PPFIA2: variants seen among roughly 807,000 people sequenced by gnomAD.
The protein encoded by PPFIA2 is liprin-alpha-2.
A neutral mutation model predicts 175.5 loss-of-function variants in PPFIA2; 46 were observed. The observed-to-expected ratio is 0.26, with a 90% confidence interval of 0.21 to 0.34. The LOEUF (loss-of-function observed/expected upper bound fraction) is 0.34. Ranked by LOEUF, PPFIA2 falls within the 10% of genes least tolerant of loss-of-function variation. The probability of loss-of-function intolerance (pLI) is 1.00; values close to 1 mark genes in which losing one functional copy is unlikely to be tolerated. For missense variants in PPFIA2, 1,179 were observed against 1,506.1 expected (o/e 0.78, Z 3.60); for synonymous variants, 568 against 511.4 (o/e 1.11, Z -1.49).
At chr12:81,359,018 G>A (rs1311023632) in intron 15 of PPFIA2, among the ~76,000 whole-genome samples, 1 of 151,896 alleles carries the variant, frequency 6.6e-6, no homozygotes, top group Non-Finnish European at 1.5e-5. Flanking sequence ...GCTTCTCCAG[G>A]CATATTACTT....
At chr12:81,415,022 T>C (rs990670603) in intron 7 of PPFIA2, among the ~76,000 whole-genome samples, 4 of 149,614 alleles carry the variant, frequency 2.7e-5, no homozygotes, top group Non-Finnish European at 6.0e-5. Flanking sequence ...TCTGTGCAGT[T>C]TGATCAGCTT....
At chr12:81,396,170 G>A (rs2041099647) in intron 8 of PPFIA2, among the ~76,000 whole-genome samples, 1 of 151,894 alleles carries the variant, frequency 6.6e-6, no homozygotes, top group South Asian at 2.1e-4. Flanking sequence ...AAAACAGTGT[G>A]ATATTTATTT....
chr12:81,344,537 A>G (rs1452189681), intron 19 of PPFIA2, 127 bp downstream of exon 19: 1 of 583,604 alleles, frequency 1.7e-6, no homozygotes, highest in Non-Finnish European at 2.9e-6. Flanking sequence ...AAACAATTCA[A>G]TACACTTTAA....
At chr12:81,596,497 G>A (rs1009494089) in intron 4 of PPFIA2, among the ~76,000 whole-genome samples, 2 of 152,012 alleles carry the variant, frequency 1.3e-5, no homozygotes, top group Non-Finnish European at 1.5e-5. Flanking sequence ...CGACAAAAAG[G>A]GGGTAGTTAA....
At chr12:81,260,505 C>A (rs2035063295) in intron 32 of PPFIA2, 1 of 151,996 alleles carries the variant, frequency 6.6e-6, no homozygotes, top group African/African-American at 2.4e-5. Context: ...TTTTGGGAGA[C>A]CTCTTATTTA....
intron 4 of PPFIA2, among the ~76,000 whole-genome samples, chr12:81,465,924 T>A (rs2055534786): frequency 6.6e-6 from 1 of 152,214 alleles, no homozygotes; most frequent in Non-Finnish European, 1.5e-5. Flanking sequence ...ACTATGTATA[T>A]GCAATATTTT....
chr12:81,746,228 A>C (rs2083050191), intron 3 of PPFIA2, among the ~76,000 whole-genome samples: 1 of 144,732 alleles, frequency 6.9e-6, no homozygotes, highest in African/African-American at 2.4e-5. Flanking sequence ...TTTGTTATTG[A>C]ACACTTAAGA....
chr12:81,462,591 T>TAC (rs1225989953), intron 4 of PPFIA2, among the ~76,000 whole-genome samples: 1 of 142,514 alleles, frequency 7.0e-6, no homozygotes, highest in African/African-American at 2.5e-5. Context: ...TATACATATA[T>TAC]ATATATATAT....
intron 18 of PPFIA2, 135 bp from the exon 19 acceptor site, chr12:81,344,828 CAT>C: frequency 3.1e-6 from 2 of 653,952 alleles, no homozygotes; most frequent in Middle Eastern, 4.3e-4. Flanking sequence ...TCTAAATAAA[CAT>C]ATTTTAATTA....
chr12:81,285,814 T>A (rs2137238382), intron 24 of PPFIA2, among the ~76,000 whole-genome samples: 1 of 152,248 alleles, frequency 6.6e-6, no homozygotes, highest in African/African-American at 2.4e-5. Flanking sequence ...ACACCATGAT[T>A]TTTAAATCAT....
intron 8 of PPFIA2, 61 bp from the exon 9 acceptor site, chr12:81,384,305 ATAAACT>A: frequency 8.6e-7 from 1 of 1,168,520 alleles, no homozygotes; most frequent in Non-Finnish European, 1.2e-6. Flanking sequence ...AAAATTTAAA[ATAAACT>A]TAAAGAAATT....
At chr12:81,663,830 C>T (rs2153553348) in intron 4 of PPFIA2, among the ~76,000 whole-genome samples, 1 of 152,168 alleles carries the variant, frequency 6.6e-6, no homozygotes, top group African/African-American at 2.4e-5. Context: ...GGTACTGGTA[C>T]CAAAACAGAG....
chr12:81,352,776 C>G (rs1034846885), intron 17 of PPFIA2, among the ~76,000 whole-genome samples: 1 of 152,134 alleles, frequency 6.6e-6, no homozygotes, highest in Non-Finnish European at 1.5e-5. Context: ...CACACACTTT[C>G]CCTTTAAGTA....
At chr12:81,747,345 A>G (rs1293897048) in intron 3 of PPFIA2, among the ~76,000 whole-genome samples, 1 of 144,218 alleles carries the variant, frequency 6.9e-6, no homozygotes, top group African/African-American at 2.4e-5. Flanking sequence ...GACATGTGTG[A>G]CTGGCCATGG....
intron 24 of PPFIA2, among the ~76,000 whole-genome samples, chr12:81,285,594 A>C (rs2043129782): frequency 6.6e-6 from 1 of 152,116 alleles, no homozygotes; most frequent in Non-Finnish European, 1.5e-5. Context: ...ATATGATTAT[A>C]ATGGAGCTGA....
chr12:81,740,545 C>T (rs761046075), intron 3 of PPFIA2, among the ~76,000 whole-genome samples: 10 of 152,134 alleles, frequency 6.6e-5, no homozygotes, highest in Non-Finnish European at 1.3e-4. Flanking sequence ...ACTGAGGAAT[C>T]GTGATGGTTG....
chr12:81,604,641 G>A (rs372534469), intron 4 of PPFIA2, among the ~76,000 whole-genome samples: 5 of 151,398 alleles, frequency 3.3e-5, no homozygotes, highest in Non-Finnish European at 7.4e-5. Context: ...AAAATTTAAT[G>A]TGCTTATGTT....
chr12:81,598,875 TTA>T (rs1173436008), intron 4 of PPFIA2, among the ~76,000 whole-genome samples: 1 of 152,020 alleles, frequency 6.6e-6, no homozygotes, highest in African/African-American at 2.4e-5. Flanking sequence ...TAAAAAATCA[TTA>T]TGTTTGACAA....
intron 4 of PPFIA2, among the ~76,000 whole-genome samples, chr12:81,552,314 A>T (rs1351499480): frequency 6.6e-6 from 1 of 151,876 alleles, no homozygotes; most frequent in South Asian, 2.1e-4. Context: ...AAATTATTTC[A>T]TATTACATTG....
Sources: allele counts gnomAD v4.1 joint callset (sites outside exome capture counted in the v4.1 genomes callset), GRCh38; gene constraint gnomAD v4.1.1; transcripts MANE v1.5; gene names NCBI Gene and HGNC (gene_info 2026-07-23, HGNC 2026-07-21).